The following KIAA0319L variants were observed in gnomAD, a reference collection of about 807,000 sequenced individuals.
KIAA0319L encodes KIAA0319 like, also known as dyslexia-associated protein KIAA0319-like protein.
In KIAA0319L, 55 loss-of-function variants were observed where a neutral mutation model predicts 120.1. The observed-to-expected ratio is 0.46, with a 90% confidence interval of 0.37 to 0.57. The LOEUF (loss-of-function observed/expected upper bound fraction) is 0.57, where lower values mean the gene tolerates loss of function less well. Among genes scored for constraint, KIAA0319L ranks in the 20% least tolerant of loss-of-function variants. The probability of loss-of-function intolerance (pLI) is 0.00; values close to 1 mark genes in which losing one functional copy is unlikely to be tolerated. For missense variants in KIAA0319L, 1,049 were observed against 1,255.3 expected (o/e 0.84, Z 2.48); for synonymous variants, 398 against 471.9 (o/e 0.84, Z 2.03).
chr1:35,518,510 G>A (rs571701213), intron 2 of KIAA0319L, among the ~76,000 whole-genome samples: 2 of 152,154 alleles, frequency 1.3e-5, no homozygotes, highest in African/African-American at 2.4e-5. Context: ...TGATGAGAAC[G>A]CATGAACACA....
In KIAA0319L at chr1:35,506,799, G is replaced by C. The variant is rs1645222579; in HGVS notation, c.479C>G (p.Ser160Cys). 6.2e-7 allele frequency: 1 copy of C among 1,614,178 alleles called. No individual in the cohort carries two copies. Among genetic ancestry groups the C allele is most frequent in the Non-Finnish European group, 8.5e-7 (1 of 1,180,018 alleles). Reference protein sequence around the residue: ...HLLGLGWNWASWRQSPPRAAL... With the variant: ...HLLGLGWNWACWRQSPPRAAL... ...AGCTCTGGGTGGGCTCTGCCTCCAA[G>C]ATGCCCAGTTCCAACCTAGCCCCAG... The change falls in exon 3 of 21, where the codon TCT becomes TGT. Residue 160 changes from serine (S) to cysteine (C), a missense_variant. Transcript: ENST00000325722. The surrounding 1 kb of genome is among the most constrained non-coding windows in gnomAD (Gnocchi z 4.0).
At chr1:35,443,853 T>C (rs371246149) in intron 17 of KIAA0319L, among the ~76,000 whole-genome samples, 3 of 152,298 alleles carry the variant, frequency 2.0e-5, no homozygotes, top group Middle Eastern at 3.4e-3. Flanking sequence ...GATACTACTG[T>C]AGTTTGTTGC....
chr1:35,477,611 G>A (rs1053842177), intron 4 of KIAA0319L, among the ~76,000 whole-genome samples: 7 of 148,300 alleles, frequency 4.7e-5, no homozygotes, highest in African/African-American at 1.8e-4. Context: ...AGCTTGCAGT[G>A]AGCCGAGATT....
intron 3 of KIAA0319L, among the ~76,000 whole-genome samples, chr1:35,494,254 C>T (rs1341832351): frequency 2.0e-5 from 3 of 151,926 alleles, no homozygotes; most frequent in African/African-American, 4.8e-5. Flanking sequence ...CAAGACCAGC[C>T]TGGCCAACAT....
In KIAA0319L at chr1:35,474,315, TTTCTTTC is replaced by T. The variant is rs1288630282; in HGVS notation, c.1015+483_1015+489del. On this transcript the variant is annotated intron_variant, in intron 5 of 20. Coordinates refer to ENST00000325722, the MANE Select transcript of KIAA0319L (RefSeq NM_024874.5). ...AGTAAATGACTTCTCTTAATTTCCA[TTTCTTTC>T]TCAATAAAATGGGGATAATAATTCC... 2.0e-5 allele frequency among the ~76,000 whole-genome samples: 3 copies of T among 152,224 alleles called. 1 individual carries two copies. The highest frequency in any genetic ancestry group is 7.2e-5 in the African/African-American group (3 of 41,460).
In KIAA0319L at chr1:35,554,418, G is replaced by A. The variant is rs746566616; in HGVS notation, c.74C>T (p.Ala25Val). Reference sequence around the variant, plus strand: ...CAGGTACAGGCTTCTCAACCACTTCGCAGATGTCTGCCAATAATATCCTGA... The same window carrying A: ...CAGGTACAGGCTTCTCAACCACTTCACAGATGTCTGCCAATAATATCCTGA... ...ILSGYYWQTS[A>V]KWLRSLYLFY... The change falls in exon 2 of 21, where the codon GCG becomes GTG. Residue 25 changes from alanine (A) to valine (V), a missense_variant. Ala to Val is a moderately conservative substitution (Grantham distance 64, BLOSUM62 0). Transcript: ENST00000325722. 14 of 1,613,254 alleles carry A rather than the reference G, an allele frequency of 8.7e-6. No individual in the cohort carries two copies. In the African/African-American group the frequency reaches 1.1e-4, roughly 12 times the overall value.
At chr1:35,458,382 A>G (rs1207539756) in intron 9 of KIAA0319L, among the ~76,000 whole-genome samples, 1 of 152,240 alleles carries the variant, frequency 6.6e-6, no homozygotes, top group Non-Finnish European at 1.5e-5. Context: ...ACCAAACAGC[A>G]GCTGACTATA....
At chr1:35,514,856 T>C (rs1645616557) in intron 2 of KIAA0319L, among the ~76,000 whole-genome samples, 1 of 152,286 alleles carries the variant, frequency 6.6e-6, no homozygotes, top group East Asian at 1.9e-4. Flanking sequence ...AACAAAGATA[T>C]TCAGGACCTG....
rs141167243 is a variant in KIAA0319L at position 35,506,232 on chromosome 1, G to A, written c.666+380C>T. Among the ~76,000 whole-genome samples, 45 of 152,286 alleles carry A rather than the reference G, an allele frequency of 3.0e-4. No homozygotes were observed. In the East Asian group the frequency reaches 5.0e-3, roughly 17 times the overall value. ...CCTCATAAAGAATGTGTTTACAGGC[G>A]AGAGATGGAGGAGAACTTGACTGTA... On this transcript the variant is annotated intron_variant, in intron 3 of 20. Transcript: ENST00000325722. The surrounding 1 kb of genome is among the most constrained non-coding windows in gnomAD (Gnocchi z 4.0).
chr1:35,463,952 A>G (rs1643076965), intron 7 of KIAA0319L, among the ~76,000 whole-genome samples: 3 of 152,218 alleles, frequency 2.0e-5, no homozygotes, highest in Admixed American at 6.5e-5. Context: ...GCTGCCATCC[A>G]TGTAAGACAT....
intron 2 of KIAA0319L, among the ~76,000 whole-genome samples, chr1:35,549,639 C>T (rs1330488775): frequency 6.6e-6 from 1 of 152,170 alleles, no homozygotes; most frequent in Non-Finnish European, 1.5e-5. Flanking sequence ...GTCCTTGCAT[C>T]CCCCACAAAC....
chr1:35,442,866 G>A lies in KIAA0319L; in HGVS notation c.2779+40C>T, dbSNP rs775829003. The A allele has an allele frequency of 1.9e-6, 3 of 1,613,820 alleles. No individual in the cohort carries two copies. In the South Asian group the frequency reaches 3.3e-5, roughly 18 times the overall value. On this transcript the variant is annotated intron_variant, in intron 18 of 20. Transcript: ENST00000325722. ...CCCACTCAGTGCAGAACCACATTCA[G>A]CGCCAAACAGGCTGGCACTGTGCCA...
intron 2 of KIAA0319L, among the ~76,000 whole-genome samples, chr1:35,512,330 C>CAA (rs34968521): frequency 0.12 from 15,777 of 136,036 alleles, 1,800 homozygotes; most frequent in East Asian, 0.4. Flanking sequence ...AAACTTTGAC[C>CAA]AAAAAAAAAA....
At chr1:35,550,328 G>A (rs1197003698) in intron 2 of KIAA0319L, among the ~76,000 whole-genome samples, 1 of 152,186 alleles carries the variant, frequency 6.6e-6, no homozygotes, top group Non-Finnish European at 1.5e-5. Flanking sequence ...AATAACAGCA[G>A]GAATCAAGAA....
intron 2 of KIAA0319L, among the ~76,000 whole-genome samples, chr1:35,518,173 G>A (rs1570925907): frequency 6.6e-6 from 1 of 152,238 alleles, no homozygotes; most frequent in East Asian, 1.9e-4. Context: ...TCCTCAAAGA[G>A]CTAAAAGCAG....
chr1:35,450,291 AT>A (rs1641958448), intron 14 of KIAA0319L, 66 bp downstream of exon 14: 3 of 1,494,966 alleles, frequency 2.0e-6, no homozygotes, highest in Non-Finnish European at 2.7e-6. Flanking sequence ...ATTAAAGCAT[AT>A]ACTGGAACGC....
chr1:35,462,884 G>C (rs1642994487), intron 7 of KIAA0319L, among the ~76,000 whole-genome samples, 171 bp from the exon 8 acceptor site: 1 of 152,184 alleles, frequency 6.6e-6, no homozygotes, highest in Non-Finnish European at 1.5e-5. Context: ...GGGTGGTGGG[G>C]GTTGGGGGCT....
rs1641436164 is a variant in KIAA0319L, at chr1:35,444,139, C to G, written c.2656+22G>C. ...GCAGGCACTAGGTAGGCTCTTGCTC[C>G]CAAATTCCCAGAATTACTCACTGAC... On this transcript the variant is annotated intron_variant, in intron 17 of 20. Transcript: ENST00000325722. 3 of 1,572,860 alleles carry G rather than the reference C, an allele frequency of 1.9e-6. No homozygotes were observed. The African/African-American group carries it at 4.1e-5, about 21-fold the overall frequency.
chr1:35,438,476 C>T (rs1021918986), intron 20 of KIAA0319L: 20 of 151,288 alleles, frequency 1.3e-4, no homozygotes, highest in African/African-American at 4.6e-4. Flanking sequence ...TTCAGCTAGC[C>T]TTTCCCCTCC....
Sources: gnomAD v4.1 joint callset for allele counts (sites outside exome capture counted in the v4.1 genomes callset) on GRCh38, gnomAD v4.1.1 for gene constraint, Gnocchi (gnomAD v3.1) non-coding constraint, MANE v1.5 for transcripts, NCBI Gene and HGNC (gene_info 2026-07-23, HGNC 2026-07-21) for gene names.